Variants in DLGAP1 observed in about 807,000 individuals in gnomAD.
DLGAP1 encodes the protein disks large-associated protein 1.
In DLGAP1, 11 loss-of-function variants were observed where a neutral mutation model predicts 90.8. That is an observed-to-expected ratio of 0.12 (90% CI 0.08 to 0.20). The LOEUF (loss-of-function observed/expected upper bound fraction) is 0.20, where lower values mean the gene tolerates loss of function less well. DLGAP1 is among the 10% of genes least tolerant of loss of function. The pLI is 1.00. For synonymous variants in DLGAP1, 558 were observed against 540.7 expected (o/e 1.03, Z -0.44); for missense variants, 1,050 against 1,333.8 (o/e 0.79, Z 3.31).
intron 2 of DLGAP1, among the ~76,000 whole-genome samples, chr18:4,145,515 A>T (rs4798182): frequency 0.17 from 26,262 of 152,134 alleles, 2,788 homozygotes; most frequent in African/African-American, 0.29. Flanking sequence ...GCAGCTTTGA[A>T]TTTCTGCTGA....
intron 1 of DLGAP1, among the ~76,000 whole-genome samples, chr18:4,369,043 C>A (rs777837033): frequency 2.0e-5 from 3 of 152,160 alleles, no homozygotes; most frequent in Non-Finnish European, 4.4e-5. Context: ...CAGGGATATG[C>A]AGCTCTTTTT....
chr18:3,854,011 G>A (rs1321203049), intron 4 of DLGAP1, among the ~76,000 whole-genome samples: 3 of 151,928 alleles, frequency 2.0e-5, no homozygotes, highest in Non-Finnish European at 2.9e-5. Flanking sequence ...ACACAAACTT[G>A]CTAACAGTGA....
chr18:4,009,441 T>C (rs2149092004), intron 2 of DLGAP1, among the ~76,000 whole-genome samples: 1 of 152,314 alleles, frequency 6.6e-6, no homozygotes, highest in South Asian at 2.1e-4. Context: ...TGTTACACAT[T>C]TGTTTATTCA....
At chr18:4,401,537 T>C (rs921087019) in intron 1 of DLGAP1, among the ~76,000 whole-genome samples, 1 of 152,138 alleles carries the variant, frequency 6.6e-6, no homozygotes, top group Non-Finnish European at 1.5e-5. Context: ...CAAGAACTAG[T>C]GATATTTAAT....
At chr18:4,412,341 C>T (rs1328429247) in intron 1 of DLGAP1, among the ~76,000 whole-genome samples, 1 of 152,172 alleles carries the variant, frequency 6.6e-6, no homozygotes, top group Non-Finnish European at 1.5e-5. Context: ...ATCATCTCTG[C>T]CTGGCATAAA....
intron 3 of DLGAP1, among the ~76,000 whole-genome samples, chr18:3,945,428 T>C (rs183228664): frequency 2.6e-5 from 4 of 152,302 alleles, no homozygotes; most frequent in African/African-American, 7.2e-5. Flanking sequence ...ATAAAACACT[T>C]ATAAAATGGT....
Position 3,879,372 on chromosome 18 carries a change from A to G in DLGAP1, c.697T>C (p.Ser233Pro). 6.2e-7 allele frequency: 1 copy of G among 1,613,384 alleles called. No individual in the cohort carries two copies. Among genetic ancestry groups the G allele is most frequent in the South Asian group, 1.1e-5 (1 of 91,004 alleles). Residue 233 changes from serine (S) to proline (P), a missense_variant, in exon 4 of 13, where the codon TCA becomes CCA. Physicochemically the swap from Ser to Pro is moderately conservative, Grantham distance 74. This residue lies in a region of DLGAP1 where 485 missense variants were observed against 454.1 expected (regional missense o/e 1.07). Transcript: ENST00000315677. This position sits in a 1 kb window ranked among gnomAD's most constrained non-coding sequence, Gnocchi z 6.6. ...TMGRCPDRSA[S>P]QYFLEAYNTI... ...TTGTAGGCCTCCAGGAAGTACTGTG[A>G]GGCCGAGCGGTCGGGGCACCTGCCC...
At chr18:4,164,679 C>CA (rs1291552963) in intron 1 of DLGAP1, among the ~76,000 whole-genome samples, 5 of 151,068 alleles carry the variant, frequency 3.3e-5, no homozygotes, top group Non-Finnish European at 7.4e-5. Context: ...GACTCTGTCT[C>CA]AAAAAAACAA....
intron 1 of DLGAP1, among the ~76,000 whole-genome samples, chr18:4,175,452 T>C (rs2077091247): frequency 6.6e-6 from 1 of 152,230 alleles, no homozygotes; most frequent in African/African-American, 2.4e-5. Flanking sequence ...TTGACATTTG[T>C]TGCAATTCCT....
rs1598486331 is a variant in DLGAP1, at chr18:4,149,037, A to G, written c.-159+2143T>C. 2.0e-5 allele frequency among the ~76,000 whole-genome samples: 3 copies of G among 152,340 alleles called. No homozygotes were observed. In the East Asian group the frequency reaches 5.8e-4, roughly 29 times the overall value. On this transcript the variant is annotated intron_variant, in intron 2 of 12. Coordinates refer to ENST00000315677, the MANE Select transcript of DLGAP1 (RefSeq NM_004746.4). ...ATATATAATTTCAGTCTTGCATTTC[A>G]CACAAACAGGGTTGTTTCCAAATAG...
chr18:3,989,187 C>T (rs1297869617), intron 3 of DLGAP1, among the ~76,000 whole-genome samples: 2 of 152,198 alleles, frequency 1.3e-5, no homozygotes, highest in African/African-American at 2.4e-5. Flanking sequence ...TGCTGGTGGA[C>T]GGCACTGTCT....
chr18:3,552,457 C>T (rs1452704882), intron 9 of DLGAP1, among the ~76,000 whole-genome samples: 1 of 152,126 alleles, frequency 6.6e-6, no homozygotes, highest in Non-Finnish European at 1.5e-5. Context: ...TCCCGGATGT[C>T]AGCATCTTCT....
chr18:3,905,958 C>T (rs755004642), intron 3 of DLGAP1, among the ~76,000 whole-genome samples: 1 of 152,192 alleles, frequency 6.6e-6, no homozygotes, highest in Non-Finnish European at 1.5e-5. Flanking sequence ...TGAAGAGTAC[C>T]TCTAGCCATT....
chr18:4,442,382 A>T (rs2658244), intron 1 of DLGAP1, among the ~76,000 whole-genome samples: 100,165 of 152,130 alleles, frequency 0.66, 33,379 homozygotes, highest in East Asian at 0.74. Context: ...AAGCACTCAA[A>T]AAAATATACT....
At chr18:3,696,900 C>T (rs914549924) in intron 7 of DLGAP1, among the ~76,000 whole-genome samples, 7 of 152,066 alleles carry the variant, frequency 4.6e-5, no homozygotes, top group African/African-American at 9.7e-5. Context: ...TTCAGGGATT[C>T]GACTTTTTCC....
intron 2 of DLGAP1, among the ~76,000 whole-genome samples, chr18:4,144,305 C>T (rs964172257): frequency 6.6e-6 from 1 of 152,154 alleles, no homozygotes; most frequent in African/African-American, 2.4e-5. Context: ...AGACAATTCC[C>T]CTCTGGCTAG....
chr18:3,545,940 TA>T (rs1474116236), intron 9 of DLGAP1, among the ~76,000 whole-genome samples: 1 of 152,142 alleles, frequency 6.6e-6, no homozygotes, highest in Non-Finnish European at 1.5e-5. Context: ...ATGAGTTTAA[TA>T]AAGAATTTCT....
intron 2 of DLGAP1, among the ~76,000 whole-genome samples, chr18:4,006,648 CTTTT>C (rs148340836): frequency 2.8e-5 from 4 of 141,314 alleles, no homozygotes; most frequent in African/African-American, 1.0e-4. Context: ...CAACCCCTGG[CTTTT>C]TTTTTTTTTT....
intron 6 of DLGAP1, among the ~76,000 whole-genome samples, chr18:3,732,773 T>C (rs2062488704): frequency 6.6e-6 from 1 of 152,128 alleles, no homozygotes; most frequent in African/African-American, 2.4e-5. Flanking sequence ...ACTTAAACCT[T>C]TCCTGCCCAG....
Sources: gnomAD v4.1 joint callset for allele counts (sites outside exome capture counted in the v4.1 genomes callset) on GRCh38, gnomAD v4.1.1 for gene constraint, gnomAD v4.1.1 regional missense constraint, Gnocchi (gnomAD v3.1) non-coding constraint, MANE v1.5 for transcripts, NCBI Gene and HGNC (gene_info 2026-07-23, HGNC 2026-07-21) for gene names.